The following GRID1 variants were observed in gnomAD, a reference collection of about 807,000 sequenced individuals.
GRID1 encodes glutamate ionotropic receptor delta type subunit 1.
GRID1 carries 28 observed loss-of-function variants against 98.0 expected under a neutral mutation model. That is an observed-to-expected ratio of 0.29 (90% CI 0.21 to 0.39). The LOEUF (loss-of-function observed/expected upper bound fraction) is 0.39, where lower values mean the gene tolerates loss of function less well. Among genes scored for constraint, GRID1 ranks in the 10% least tolerant of loss-of-function variants. The pLI is 1.00. For missense variants in GRID1, 1,111 were observed against 1,340.5 expected (o/e 0.83, Z 2.67); for synonymous variants, 553 against 538.5 (o/e 1.03, Z -0.37).
chr10:86,010,495 T>G (rs1842911582), intron 4 of GRID1, among the ~76,000 whole-genome samples: 1 of 152,114 alleles, frequency 6.6e-6, no homozygotes, highest in Admixed American at 6.5e-5. Flanking sequence ...TTCCAGAAAG[T>G]AAAGTTTAAA....
chr10:85,732,460 T>C (rs1204742457), intron 8 of GRID1, among the ~76,000 whole-genome samples: 1 of 152,204 alleles, frequency 6.6e-6, no homozygotes, highest in East Asian at 1.9e-4. Context: ...GCTCTGTGCA[T>C]CTTGATCAAC....
chr10:85,748,995 C>T (rs1842022695), intron 8 of GRID1, among the ~76,000 whole-genome samples: 1 of 152,180 alleles, frequency 6.6e-6, no homozygotes, highest in Non-Finnish European at 1.5e-5. Flanking sequence ...CATGTTTACT[C>T]TACTTCAGAA....
At chr10:86,011,242 G>A (rs1181108010) in intron 4 of GRID1, among the ~76,000 whole-genome samples, 3 of 152,108 alleles carry the variant, frequency 2.0e-5, no homozygotes, top group Non-Finnish European at 4.4e-5. Context: ...TTGCAGTGAC[G>A]AAATAACTCA....
intron 3 of GRID1, among the ~76,000 whole-genome samples, chr10:86,166,293 C>G (rs1845397446): frequency 6.6e-6 from 1 of 152,148 alleles, no homozygotes. Context: ...TTTTTACAAT[C>G]TACCCATCTG....
At chr10:86,268,756 C>A (rs550414638) in intron 2 of GRID1, among the ~76,000 whole-genome samples, 40 of 152,144 alleles carry the variant, frequency 2.6e-4, no homozygotes, top group African/African-American at 9.2e-4. Context: ...TCTGGGATGC[C>A]AAGGCGGGCT....
At chr10:86,090,562 G>T (rs1007951721) in intron 4 of GRID1, among the ~76,000 whole-genome samples, 1 of 152,098 alleles carries the variant, frequency 6.6e-6, no homozygotes, top group African/African-American at 2.4e-5. Flanking sequence ...TGTGTCATTG[G>T]AGTCCTGGAA....
intron 12 of GRID1, among the ~76,000 whole-genome samples, chr10:85,707,804 TC>T (rs1282313133): frequency 1.3e-5 from 2 of 152,098 alleles, no homozygotes; most frequent in African/African-American, 4.8e-5. Flanking sequence ...TGAGTTCATG[TC>T]CTTTGTAGGG....
At chr10:85,762,369 T>C (rs1842155316) in intron 8 of GRID1, among the ~76,000 whole-genome samples, 1 of 152,254 alleles carries the variant, frequency 6.6e-6, no homozygotes, top group Non-Finnish European at 1.5e-5. Context: ...TAATTTATAA[T>C]AACCAAGATC....
chr10:85,825,630 T>C (rs1842812575), intron 8 of GRID1, among the ~76,000 whole-genome samples: 1 of 152,220 alleles, frequency 6.6e-6, no homozygotes, highest in Non-Finnish European at 1.5e-5. Flanking sequence ...GTCAAATGTA[T>C]TAGTTAATCT....
chr10:86,219,728 T>C (rs936962789), intron 2 of GRID1, among the ~76,000 whole-genome samples: 2 of 152,186 alleles, frequency 1.3e-5, no homozygotes, highest in Non-Finnish European at 2.9e-5. Context: ...GTGATTCTTA[T>C]GTGGCCAAGT....
intron 4 of GRID1, among the ~76,000 whole-genome samples, chr10:86,020,098 G>A (rs777509293): frequency 4.6e-5 from 7 of 152,212 alleles, no homozygotes; most frequent in Admixed American, 2.0e-4. Context: ...CAGGTGTAAT[G>A]TCAACAAGCA....
chr10:86,366,273 G>C lies in GRID1; in HGVS notation c.79+41C>G. On this transcript the variant is annotated intron_variant, in intron 1 of 15. Transcript: ENST00000327946. This position sits in a 1 kb window ranked among gnomAD's most constrained non-coding sequence, Gnocchi z 4.1. Reference sequence around the variant, plus strand: ...CGCCGCGCACCCCCTGCCCCGTTGGGGCCCCCGCCCAGCCTCGGCCCGGCC... The same window carrying C: ...CGCCGCGCACCCCCTGCCCCGTTGGCGCCCCCGCCCAGCCTCGGCCCGGCC... 1 of 1,419,446 alleles carries C rather than the reference G, an allele frequency of 7.0e-7. No homozygotes were observed. Among genetic ancestry groups the C allele is most frequent in the Non-Finnish European group, 9.4e-7 (1 of 1,062,512 alleles). The allele number at this position is 1,419,446 out of a possible 1,614,324, so 87.9% of individuals were successfully genotyped here. A position where few individuals can be genotyped will look rare whatever the true frequency, so the allele number is the denominator to read the frequency against.
intron 2 of GRID1, among the ~76,000 whole-genome samples, chr10:86,338,488 TACA>T (rs982233270): frequency 2.0e-5 from 3 of 152,286 alleles, no homozygotes; most frequent in African/African-American, 7.2e-5. Flanking sequence ...CTTTGTCCTG[TACA>T]ACCGAAGAAA....
intron 4 of GRID1, among the ~76,000 whole-genome samples, chr10:86,078,940 T>C (rs1843925672): frequency 6.6e-6 from 1 of 152,196 alleles, no homozygotes; most frequent in South Asian, 2.1e-4. Context: ...AGAAGCTGTG[T>C]AGACTCAGGT....
At chr10:85,880,043 A>G (rs1330484795) in intron 5 of GRID1, among the ~76,000 whole-genome samples, 2 of 152,244 alleles carry the variant, frequency 1.3e-5, no homozygotes, top group Admixed American at 6.5e-5. Flanking sequence ...AATTTCCTCA[A>G]CACATACACC....
At chr10:85,675,045 C>T (rs1395873783) in intron 12 of GRID1, among the ~76,000 whole-genome samples, 7 of 152,112 alleles carry the variant, frequency 4.6e-5, no homozygotes, top group Admixed American at 1.3e-4. Context: ...GATAAGAGAC[C>T]GTCCATCAGG....
chr10:86,337,020 G>T (rs541034741), intron 2 of GRID1, among the ~76,000 whole-genome samples: 1 of 146,778 alleles, frequency 6.8e-6, no homozygotes, highest in Admixed American at 6.8e-5. Flanking sequence ...GTTTTTTGCA[G>T]TTTTTTTTTT....
At chr10:85,663,274 A>G (rs975470733) in intron 12 of GRID1, among the ~76,000 whole-genome samples, 1 of 152,104 alleles carries the variant, frequency 6.6e-6, no homozygotes, top group Non-Finnish European at 1.5e-5. Flanking sequence ...TAAAAAGGAG[A>G]AATTTCTACA....
At position 85,622,323 on chromosome 10, in the gene GRID1, C is replaced by T. The variant is rs530390762; in HGVS notation, c.2194-2290G>A. ...GGAAGTCCGGAGGAGACAGTAGGAG[C>T]TGCCTTCTGGACCTACTGAACACTC... On this transcript the variant is annotated intron_variant, in intron 13 of 15. Transcript: ENST00000327946. 2.4e-4 allele frequency among the ~76,000 whole-genome samples: 36 copies of T among 151,528 alleles called. No homozygotes were observed. The South Asian group carries it at 6.6e-3, about 28-fold the overall frequency.
Sources: allele counts gnomAD v4.1 joint callset (sites outside exome capture counted in the v4.1 genomes callset), GRCh38; gene constraint gnomAD v4.1.1; non-coding constraint Gnocchi (gnomAD v3.1); transcripts MANE v1.5; gene names NCBI Gene and HGNC (gene_info 2026-07-23, HGNC 2026-07-21).